The following MYO5A variants were observed in gnomAD, a reference collection of about 807,000 sequenced individuals.
MYO5A encodes unconventional myosin-Va.
A neutral mutation model predicts 249.7 loss-of-function variants in MYO5A; 98 were observed. The observed-to-expected ratio is 0.39, with a 90% confidence interval of 0.33 to 0.46. The LOEUF (loss-of-function observed/expected upper bound fraction) is 0.46, where lower values mean the gene tolerates loss of function less well. Ranked by LOEUF, MYO5A falls within the 20% of genes least tolerant of loss-of-function variation. MYO5A has a pLI of 0.98. For missense variants in MYO5A, 1,696 were observed against 2,308.8 expected, an observed-to-expected ratio of 0.73 and a Z score of 5.44; for synonymous variants, 778 against 810.6, an observed-to-expected ratio of 0.96 and a Z score of 0.68.
intron 1 of MYO5A, among the ~76,000 whole-genome samples, chr15:52,511,668 C>T (rs1043250779): frequency 9.9e-5 from 15 of 152,200 alleles, no homozygotes; most frequent in African/African-American, 3.6e-4. Flanking sequence ...CTTTTACCCT[C>T]TCAGGTTGGA....
At chr15:52,386,324 A>ACAC (rs2041971426) in intron 14 of MYO5A, among the ~76,000 whole-genome samples, 1 of 150,874 alleles carries the variant, frequency 6.6e-6, no homozygotes, top group South Asian at 2.1e-4. Context: ...AACAACAACA[A>ACAC]CAACAACAAC....
chr15:52,461,438 C>G (rs1444740380), intron 1 of MYO5A, among the ~76,000 whole-genome samples: 1 of 152,090 alleles, frequency 6.6e-6, no homozygotes, highest in Admixed American at 6.5e-5. Context: ...TGCTATCAAC[C>G]ATAAGCATGA....
chr15:52,412,978 T>A (rs2043313008), intron 5 of MYO5A, among the ~76,000 whole-genome samples: 2 of 151,812 alleles, frequency 1.3e-5, no homozygotes, highest in South Asian at 4.2e-4. Flanking sequence ...TGAAACCCTA[T>A]CTCTATTTAA....
In MYO5A at chr15:52,328,008, T is replaced by C; in HGVS notation, c.4556-2A>G. 1 of 1,610,308 alleles carries C rather than the reference T, an allele frequency of 6.2e-7. No homozygotes were observed. Among genetic ancestry groups the C allele is most frequent in the Non-Finnish European group, 8.5e-7 (1 of 1,177,270 alleles). ...CTGCTACACCACGTGGCTTCAGTTC[T>C]AAAAAAGAAAAAATAATAATTTTAT... On this transcript the variant is annotated splice_acceptor_variant, in intron 35 of 41. Coordinates refer to ENST00000399233, the MANE Select transcript of MYO5A (RefSeq NM_001382347.1). LOFTEE classifies it high-confidence loss of function.
At chr15:52,467,964 C>T (rs915481879) in intron 1 of MYO5A, among the ~76,000 whole-genome samples, 11 of 151,976 alleles carry the variant, frequency 7.2e-5, no homozygotes, top group South Asian at 4.1e-4. Flanking sequence ...CACATATCAG[C>T]GAATTAATAA....
At chr15:52,512,525 T>C (rs557971349) in intron 1 of MYO5A, among the ~76,000 whole-genome samples, 1 of 152,064 alleles carries the variant, frequency 6.6e-6, no homozygotes, top group Admixed American at 6.6e-5. Flanking sequence ...AAAAAATATA[T>C]ATATATATAG....
chr15:52,392,196 A>G (rs2042269685), intron 11 of MYO5A, 126 bp from the exon 12 acceptor site: 1 of 913,472 alleles, frequency 1.1e-6, no homozygotes. Context: ...CGGGAGAAGC[A>G]TGATTTACAC....
intron 14 of MYO5A, among the ~76,000 whole-genome samples, chr15:52,384,619 A>G (rs1596383827): frequency 1.3e-5 from 2 of 152,372 alleles, no homozygotes; most frequent in African/African-American, 2.4e-5. Flanking sequence ...AAATCTAAAC[A>G]TATTAATGGG....
chr15:52,458,964 A>AT (rs1345530476), intron 1 of MYO5A, among the ~76,000 whole-genome samples: 5 of 150,100 alleles, frequency 3.3e-5, no homozygotes, highest in Non-Finnish European at 5.9e-5. Context: ...AAGCTTGACA[A>AT]TTTTTTTTTC....
rs143269799 is a variant in MYO5A, at chr15:52,432,000, G to A, written c.138+1175C>T. Among the ~76,000 whole-genome samples, 712 of 151,796 alleles carry A rather than the reference G, an allele frequency of 4.7e-3. 3 individuals carry two copies. The highest frequency in any genetic ancestry group is 0.017 in the African/African-American group (689 of 41,404). On this transcript the variant is annotated intron_variant, in intron 2 of 41. Transcript: ENST00000399233. ...ATAGGGACCTGTCAAAAAAGTCAAA[G>A]GACCCAATCTAAGAGAGATCTCAAT... is the stretch of plus-strand genomic sequence containing the variant.
At chr15:52,352,782 CAAAAAGA>C (rs958959705) in intron 27 of MYO5A, among the ~76,000 whole-genome samples, 30 of 151,186 alleles carry the variant, frequency 2.0e-4, no homozygotes, top group African/African-American at 3.4e-4. Context: ...GACTCCATTT[CAAAAAGA>C]AAAAAGAAAA....
At chr15:52,328,711 C>T (rs760449122) in intron 35 of MYO5A, among the ~76,000 whole-genome samples, 9 of 152,220 alleles carry the variant, frequency 5.9e-5, no homozygotes, top group Non-Finnish European at 1.2e-4. Context: ...CTCCAAGCAG[C>T]TTCTCATGTC....
intron 3 of MYO5A, among the ~76,000 whole-genome samples, chr15:52,427,876 A>T (rs2075431347): frequency 6.6e-6 from 1 of 152,188 alleles, no homozygotes; most frequent in African/African-American, 2.4e-5. Context: ...ACACACATGC[A>T]GAGGCTTTAT....
At chr15:52,367,939 CT>C (rs2141075725) in intron 22 of MYO5A, among the ~76,000 whole-genome samples, 1 of 150,572 alleles carries the variant, frequency 6.6e-6, no homozygotes, top group South Asian at 2.1e-4. Context: ...CTTTCTAGTT[CT>C]TTGCTGGATA....
intron 9 of MYO5A, among the ~76,000 whole-genome samples, chr15:52,399,765 A>G (rs1327010373): frequency 6.6e-6 from 1 of 152,186 alleles, no homozygotes; most frequent in African/African-American, 2.4e-5. Flanking sequence ...GAATGAATCC[A>G]TCACTTAGGT....
intron 25 of MYO5A, among the ~76,000 whole-genome samples, chr15:52,358,317 C>A (rs1230891159): frequency 1.3e-5 from 2 of 152,146 alleles, no homozygotes; most frequent in African/African-American, 2.4e-5. Flanking sequence ...CCGACTATTG[C>A]AAGTGAGTAC....
At chr15:52,382,458 C>A (rs1449437653) in intron 16 of MYO5A, among the ~76,000 whole-genome samples, 5 of 152,050 alleles carry the variant, frequency 3.3e-5, no homozygotes, top group Non-Finnish European at 7.4e-5. Flanking sequence ...GTAATCCCAG[C>A]TACTCGGGAG....
intron 5 of MYO5A, among the ~76,000 whole-genome samples, chr15:52,415,228 A>C (rs925592873): frequency 1.3e-5 from 2 of 152,204 alleles, no homozygotes; most frequent in Non-Finnish European, 2.9e-5. Flanking sequence ...AGACAGGAAT[A>C]AAAAAATGCC....
chr15:52,489,387 A>G lies in MYO5A; in HGVS notation c.27+39393T>C, dbSNP rs554875227. On this transcript the variant is annotated intron_variant, in intron 1 of 41. Transcript: ENST00000399233. ...AGACCATCCTGATTAACACAGTGAA[A>G]CCCCGTCTCTACTAAAAATACAAAA... Among the ~76,000 whole-genome samples the G allele has an allele frequency of 2.6e-5, 4 of 152,128 alleles. No individual in the cohort carries two copies. The East Asian group carries it at 7.7e-4, about 29-fold the overall frequency.
Sources: gnomAD v4.1 joint callset for allele counts (sites outside exome capture counted in the v4.1 genomes callset) on GRCh38, gnomAD v4.1.1 for gene constraint, MANE v1.5 for transcripts, NCBI Gene and HGNC (gene_info 2026-07-23, HGNC 2026-07-21) for gene names.